USH2A: variants seen among roughly 807,000 people sequenced by gnomAD.
The protein encoded by USH2A is usherin.
USH2A carries 443 observed loss-of-function variants against 538.9 expected under a neutral mutation model. The ratio of observed to expected loss-of-function variants is 0.82; its 90% CI spans 0.76 to 0.89. The LOEUF (loss-of-function observed/expected upper bound fraction) is 0.89, where lower values mean the gene tolerates loss of function less well. Ranked by LOEUF, USH2A falls within the 40% of genes least tolerant of loss-of-function variation. USH2A has a pLI of 0.00. For synonymous variants in USH2A, 2,413 were observed against 2,273.5 expected (o/e 1.06, Z -1.75); for missense variants, 6,633 against 6,324.8 (o/e 1.05, Z -1.65).
chr1:215,690,944 C>T (rs2102681189), intron 61 of USH2A, among the ~76,000 whole-genome samples: 1 of 152,152 alleles, frequency 6.6e-6, no homozygotes, highest in East Asian at 1.9e-4. Flanking sequence ...GGCTGGAGTG[C>T]AGCCTCTTGG....
At chr1:215,759,626 G>C (rs747163772) in intron 57 of USH2A, 34 bp downstream of exon 57, 1 of 1,610,726 alleles carries the variant, frequency 6.2e-7, no homozygotes, top group Admixed American at 1.7e-5. Context: ...TACAAATCCT[G>C]CTGTATGATT....
At chr1:216,197,809 T>C (rs2034884995) in intron 18 of USH2A, among the ~76,000 whole-genome samples, 1 of 152,194 alleles carries the variant, frequency 6.6e-6, no homozygotes, top group African/African-American at 2.4e-5. Context: ...TCATGCCAAC[T>C]GCTTACAAGC....
intron 67 of USH2A, among the ~76,000 whole-genome samples, chr1:215,641,994 C>T (rs1162561888): frequency 6.6e-6 from 1 of 152,188 alleles, no homozygotes; most frequent in African/African-American, 2.4e-5. Context: ...TATGACTTCT[C>T]TCCATCACCT....
At chr1:216,030,825 A>T (rs1403991328) in intron 32 of USH2A, among the ~76,000 whole-genome samples, 1 of 151,418 alleles carries the variant, frequency 6.6e-6, no homozygotes, top group African/African-American at 2.4e-5. Context: ...TAATTTTTTT[A>T]ATCTACAATA....
chr1:215,770,272 C>T (rs1181587626), intron 55 of USH2A, among the ~76,000 whole-genome samples: 2 of 152,100 alleles, frequency 1.3e-5, no homozygotes, highest in Non-Finnish European at 2.9e-5. Flanking sequence ...ATTTAAGTTA[C>T]TCAATGGCTG....
chr1:216,035,864 G>C (rs1400689879), intron 32 of USH2A, among the ~76,000 whole-genome samples: 3 of 152,060 alleles, frequency 2.0e-5, no homozygotes, highest in Non-Finnish European at 2.9e-5. Context: ...AGATATTACA[G>C]AAATTTTGAA....
chr1:216,131,920 A>G (rs2033384792), intron 21 of USH2A, among the ~76,000 whole-genome samples: 1 of 152,050 alleles, frequency 6.6e-6, no homozygotes, highest in Admixed American at 6.6e-5. Context: ...TCCTAATAAT[A>G]GTTCTAGCAG....
intron 41 of USH2A, among the ~76,000 whole-genome samples, chr1:215,881,289 T>C (rs138790755): frequency 1.5e-3 from 229 of 152,260 alleles, no homozygotes; most frequent in African/African-American, 4.6e-3. Context: ...TATACGCGTG[T>C]GCTACCACAC....
At chr1:215,692,450 C>CAT (rs375951866) in intron 61 of USH2A, among the ~76,000 whole-genome samples, 3,008 of 142,198 alleles carry the variant, frequency 0.021, 90 homozygotes, top group African/African-American at 0.063. Flanking sequence ...AGATATTTTA[C>CAT]ATATATATAT....
At chr1:216,191,933 C>T (rs1336936330) in intron 19 of USH2A, among the ~76,000 whole-genome samples, 1 of 152,014 alleles carries the variant, frequency 6.6e-6, no homozygotes, top group Non-Finnish European at 1.5e-5. Flanking sequence ...TCCTTCTTTA[C>T]AGATGATTAT....
At chr1:216,233,893 C>T (rs1235057169) in intron 13 of USH2A, among the ~76,000 whole-genome samples, 1 of 151,968 alleles carries the variant, frequency 6.6e-6, no homozygotes, top group Admixed American at 6.6e-5. Context: ...TATACATATA[C>T]ACACATGCAC....
chr1:215,880,989 C>T (rs1405808608), intron 41 of USH2A, among the ~76,000 whole-genome samples: 1 of 152,010 alleles, frequency 6.6e-6, no homozygotes, highest in Admixed American at 6.6e-5. Context: ...GCCTGTAATC[C>T]CAGCTACCTG....
chr1:216,038,575 C>T (rs1403549416), intron 32 of USH2A, among the ~76,000 whole-genome samples: 1 of 151,952 alleles, frequency 6.6e-6, no homozygotes, highest in African/African-American at 2.4e-5. Flanking sequence ...AAAGCAATCA[C>T]CTGAGTCAAG....
intron 56 of USH2A, among the ~76,000 whole-genome samples, chr1:215,762,067 T>C (rs1348635011): frequency 6.6e-6 from 1 of 152,166 alleles, no homozygotes; most frequent in Non-Finnish European, 1.5e-5. Context: ...CCCAACTTTC[T>C]AAGGAGCAAT....
At chr1:216,020,148 T>A (rs1342798024) in intron 32 of USH2A, among the ~76,000 whole-genome samples, 1 of 152,216 alleles carries the variant, frequency 6.6e-6, no homozygotes, top group Admixed American at 6.5e-5. Context: ...ACACCTTTTT[T>A]ATTTCTGAAT....
At chr1:215,924,070 G>A (rs1666172755) in intron 38 of USH2A, among the ~76,000 whole-genome samples, 2 of 151,762 alleles carry the variant, frequency 1.3e-5, no homozygotes, top group Admixed American at 6.6e-5. Flanking sequence ...CATGATACAA[G>A]CATACGAAAC....
intron 37 of USH2A, among the ~76,000 whole-genome samples, chr1:215,945,444 T>C (rs1360404426): frequency 6.6e-6 from 1 of 152,168 alleles, no homozygotes; most frequent in Non-Finnish European, 1.5e-5. Context: ...ATCTTTGTCA[T>C]GAAAAATAAT....
Position 215,625,532 on chromosome 1 carries a change from T to A in USH2A, c.*249A>T, listed in dbSNP as rs1252271147. The A allele has an allele frequency of 1.9e-6, 1 of 531,962 alleles. No homozygotes were observed. Among genetic ancestry groups the A allele is most frequent in the East Asian group, 3.4e-5 (1 of 29,836 alleles). 33.0% of individuals were successfully genotyped at this position (531,962 alleles called of 1,614,324 possible). On this transcript the variant is annotated 3_prime_UTR_variant, in exon 72 of 72. Transcript: ENST00000307340. The stretch of plus-strand genomic sequence containing the variant: ...ACCAAGTGACAATTACATACTTCTT[T>A]GTCTTCTACAAAATAAGAGCAAATC...
At chr1:215,995,274 TA>T (rs1668108326) in intron 34 of USH2A, among the ~76,000 whole-genome samples, 1 of 152,220 alleles carries the variant, frequency 6.6e-6, no homozygotes, top group Non-Finnish European at 1.5e-5. Flanking sequence ...CTGAGATCCA[TA>T]AACCAGTAAC....
Sources: allele counts gnomAD v4.1 joint callset (sites outside exome capture counted in the v4.1 genomes callset), GRCh38; gene constraint gnomAD v4.1.1; transcripts MANE v1.5; gene names NCBI Gene and HGNC (gene_info 2026-07-23, HGNC 2026-07-21).